The following DCDC2 variants were observed in gnomAD, a reference collection of about 807,000 sequenced individuals.
DCDC2 encodes doublecortin domain containing 2.
In DCDC2, 40 loss-of-function variants were observed where a neutral mutation model predicts 50.2. The observed-to-expected ratio is 0.80, with a 90% CI of 0.62 to 1.04. The LOEUF (loss-of-function observed/expected upper bound fraction) is 1.04. DCDC2 is among the 50% of genes least tolerant of loss of function. The probability of loss-of-function intolerance (pLI) is 0.00; values close to 1 mark genes in which losing one functional copy is unlikely to be tolerated. For missense variants in DCDC2, 570 were observed against 581.9 expected, an observed-to-expected ratio of 0.98 and a Z score of 0.21; for synonymous variants, 234 against 210.6, an observed-to-expected ratio of 1.11 and a Z score of -0.96.
chr6:24,339,196 T>C (rs1760110849), intron 2 of DCDC2, among the ~76,000 whole-genome samples: 1 of 152,026 alleles, frequency 6.6e-6, no homozygotes, highest in South Asian at 2.1e-4. Flanking sequence ...CTGGTGAACA[T>C]ACTCATTCCC....
intron 1 of DCDC2, among the ~76,000 whole-genome samples, chr6:24,356,684 T>C (rs1760473441): frequency 1.3e-5 from 2 of 152,134 alleles, no homozygotes; most frequent in African/African-American, 4.8e-5. Flanking sequence ...GCATTAAAAT[T>C]GTTAGTGTGC....
At chr6:24,206,038 C>A (rs957243292) in intron 7 of DCDC2, among the ~76,000 whole-genome samples, 1 of 152,126 alleles carries the variant, frequency 6.6e-6, no homozygotes, top group African/African-American at 2.4e-5. Context: ...CCTTAAAACC[C>A]CCTTTATTTC....
At chr6:24,310,362 T>C (rs1351607535) in intron 2 of DCDC2, among the ~76,000 whole-genome samples, 1 of 152,196 alleles carries the variant, frequency 6.6e-6, no homozygotes, top group Non-Finnish European at 1.5e-5. Context: ...TAATCTTCTA[T>C]GGTATCAAAG....
At chr6:24,333,570 A>G (rs1236306084) in intron 2 of DCDC2, among the ~76,000 whole-genome samples, 4 of 152,158 alleles carry the variant, frequency 2.6e-5, no homozygotes, top group African/African-American at 9.7e-5. Context: ...AACTACCTAA[A>G]TTGATTTTCA....
chr6:24,337,598 G>A (rs892299623), intron 2 of DCDC2, among the ~76,000 whole-genome samples: 5 of 151,974 alleles, frequency 3.3e-5, no homozygotes, highest in Non-Finnish European at 7.4e-5. Context: ...ATTCAAGACC[G>A]AGGTGGCCAA....
At chr6:24,176,380 G>A (rs1359770272) in intron 9 of DCDC2, among the ~76,000 whole-genome samples, 1 of 151,676 alleles carries the variant, frequency 6.6e-6, no homozygotes, top group Non-Finnish European at 1.5e-5. Flanking sequence ...CAAGAATTTA[G>A]ATTCACTCTC....
At chr6:24,333,266 A>T (rs1447886120) in intron 2 of DCDC2, among the ~76,000 whole-genome samples, 4 of 152,068 alleles carry the variant, frequency 2.6e-5, no homozygotes, top group Non-Finnish European at 5.9e-5. Context: ...AGGTTCCCAG[A>T]GAGAAAAAAC....
chr6:24,342,335 G>A (rs1248662963), intron 2 of DCDC2, among the ~76,000 whole-genome samples: 3 of 152,288 alleles, frequency 2.0e-5, no homozygotes, highest in South Asian at 4.1e-4. Flanking sequence ...TTGACTGTAA[G>A]TCAGAAAATC....
At chr6:24,213,262 A>T (rs532441195) in intron 7 of DCDC2, among the ~76,000 whole-genome samples, 1 of 152,290 alleles carries the variant, frequency 6.6e-6, no homozygotes, top group African/African-American at 2.4e-5. Context: ...CTTTATAAAA[A>T]TCTTAGTTAT....
chr6:24,376,068 TA>T, the DCDC2 span, among the ~76,000 whole-genome samples: 3 of 151,914 alleles, frequency 2.0e-5, no homozygotes, highest in South Asian at 6.2e-4. Flanking sequence ...GATCCTGAAG[TA>T]AAAGGAAGTA....
intron 2 of DCDC2, among the ~76,000 whole-genome samples, chr6:24,340,298 G>A (rs1196712509): frequency 3.3e-5 from 5 of 152,150 alleles, no homozygotes; most frequent in African/African-American, 1.2e-4. Flanking sequence ...GGTGAGGAAA[G>A]TCAAAGTTAA....
At chr6:24,352,113 T>A (rs1039467399) in intron 2 of DCDC2, among the ~76,000 whole-genome samples, 5 of 151,904 alleles carry the variant, frequency 3.3e-5, no homozygotes, top group African/African-American at 4.8e-5. Flanking sequence ...CAAAAAAAAA[T>A]TTTTAAGAAA....
chr6:24,221,408 T>C (rs945562018), intron 7 of DCDC2, among the ~76,000 whole-genome samples: 1 of 152,330 alleles, frequency 6.6e-6, no homozygotes, highest in Admixed American at 6.5e-5. Context: ...CTCACAGCCA[T>C]GTTTTTCCCT....
At chr6:24,288,967 A>G in intron 5 of DCDC2, 61 bp from the exon 6 acceptor site, 1 of 1,292,218 alleles carries the variant, frequency 7.7e-7, no homozygotes, top group East Asian at 2.3e-5. Flanking sequence ...GTACAATGCA[A>G]GATAATTATC....
intron 7 of DCDC2, among the ~76,000 whole-genome samples, chr6:24,217,022 C>T (rs1053426911): frequency 2.6e-5 from 4 of 152,164 alleles, no homozygotes; most frequent in Admixed American, 1.3e-4. Context: ...ATACCTTCTA[C>T]TTGCACGCCT....
chr6:24,374,568 G>A, the DCDC2 span, among the ~76,000 whole-genome samples: 1 of 71,564 alleles, frequency 1.4e-5, no homozygotes, highest in Admixed American at 2.5e-4. Flanking sequence ...GACACAGCAA[G>A]ACTCCATCCA....
chr6:24,343,287 G>T (rs1760196316), intron 2 of DCDC2, among the ~76,000 whole-genome samples: 1 of 151,932 alleles, frequency 6.6e-6, no homozygotes, highest in Non-Finnish European at 1.5e-5. Context: ...CTGACTTCGT[G>T]ATCCACCCAC....
At chr6:24,184,256 C>T (rs767895717) in intron 8 of DCDC2, among the ~76,000 whole-genome samples, 4 of 152,134 alleles carry the variant, frequency 2.6e-5, no homozygotes, top group Non-Finnish European at 5.9e-5. Flanking sequence ...CAGTAGGCAA[C>T]ATTACTTTTA....
upstream of DCDC2, among the ~76,000 whole-genome samples, chr6:24,358,512 TAAA>T (rs966038766): frequency 2.6e-5 from 2 of 75,910 alleles, no homozygotes; most frequent in Non-Finnish European, 2.4e-5. Context: ...TCTCTACAAT[TAAA>T]AAAAAAAAAA....
Sources: gnomAD v4.1 joint callset for allele counts (sites outside exome capture counted in the v4.1 genomes callset) on GRCh38, gnomAD v4.1.1 for gene constraint, MANE v1.5 for transcripts, NCBI Gene and HGNC (gene_info 2026-07-23, HGNC 2026-07-21) for gene names.